ITPR1: variants seen among roughly 807,000 people sequenced by gnomAD.
The protein encoded by ITPR1 is inositol 1,4,5-trisphosphate-gated calcium channel ITPR1.
Under a neutral mutation model 318.4 loss-of-function variants are expected in ITPR1, and 96 were observed. The observed-to-expected ratio is 0.30, with a 90% CI of 0.26 to 0.36. The LOEUF is 0.36. Among genes scored for constraint, ITPR1 ranks in the 10% least tolerant of loss-of-function variants. ITPR1 has a pLI of 1.00. For missense variants in ITPR1, 2,440 were observed against 3,460.2 expected (o/e 0.71, Z 7.40); for synonymous variants, 1,312 against 1,289.9 (o/e 1.02, Z -0.37).
intron 44 of ITPR1, among the ~76,000 whole-genome samples, chr3:4,747,063 G>A (rs1056363040): frequency 6.6e-6 from 1 of 152,178 alleles, no homozygotes; most frequent in Non-Finnish European, 1.5e-5. Flanking sequence ...ATTTTAAAGG[G>A]GACCTTCTTT....
At chr3:4,696,959 T>C (rs368203829) in intron 33 of ITPR1, among the ~76,000 whole-genome samples, 188 bp from the exon 34 acceptor site, 25 of 152,312 alleles carry the variant, frequency 1.6e-4, no homozygotes, top group African/African-American at 5.5e-4. Context: ...AAATATTCTC[T>C]TCCAAAAGCT....
In ITPR1 at chr3:4,682,470, A is replaced by G. The variant is rs192543251; in HGVS notation, c.3162-916A>G. Among the ~76,000 whole-genome samples, 184 of 152,350 alleles carry G rather than the reference A, an allele frequency of 1.2e-3. 3 individuals are homozygous for G. Among genetic ancestry groups the G allele is most frequent in the African/African-American group, 4.1e-3 (171 of 41,592 alleles). On this transcript the variant is annotated intron_variant, in intron 26 of 61. Transcript: ENST00000649015. Reference sequence around the variant, plus strand: ...CATTGTCAGTGTGGGAGGGGACTACATAAGGGTTTGAACACTCTGTTGGGG... The same window carrying G: ...CATTGTCAGTGTGGGAGGGGACTACGTAAGGGTTTGAACACTCTGTTGGGG...
chr3:4,591,535 G>T (rs1307539510), intron 4 of ITPR1, among the ~76,000 whole-genome samples: 4 of 152,272 alleles, frequency 2.6e-5, no homozygotes, highest in South Asian at 2.1e-4. Context: ...ATTCAGGAAA[G>T]CATTTCCTTG....
At chr3:4,690,314 A>C (rs1574875343) in intron 31 of ITPR1, among the ~76,000 whole-genome samples, 1 of 152,128 alleles carries the variant, frequency 6.6e-6, no homozygotes, top group Non-Finnish European at 1.5e-5. Flanking sequence ...AAGGCAAAAA[A>C]CTTGAACAGA....
rs115430385 is a variant in ITPR1 at position 4,782,748 on chromosome 3, T to C, written c.6510+7T>C. ...CTACATATTAGCCCATCAGGTATGA[T>C]CTCTCCTGTGCCTCCTCTGGATGCT... On this transcript the variant is annotated splice_region_variant and intron_variant, in intron 50 of 61. Transcript: ENST00000649015. 8.3e-4 allele frequency: 1,261 copies of C among 1,516,414 alleles called. 8 individuals are homozygous for C. The African/African-American group carries it at 0.016, about 19-fold the overall frequency. 93.9% of individuals were successfully genotyped at this position (1,516,414 alleles called of 1,614,324 possible). A position where few individuals can be genotyped will look rare whatever the true frequency, so the allele number is the denominator to read the frequency against.
chr3:4,586,598 C>T (rs528948565), intron 4 of ITPR1, among the ~76,000 whole-genome samples: 1 of 150,854 alleles, frequency 6.6e-6, no homozygotes, highest in East Asian at 2.0e-4. Context: ...CAGCTTTGAC[C>T]TCCCTGGCTC....
intron 52 of ITPR1, among the ~76,000 whole-genome samples, chr3:4,790,066 G>A (rs956953938): frequency 1.3e-5 from 2 of 152,214 alleles, no homozygotes; most frequent in Non-Finnish European, 2.9e-5. Flanking sequence ...TATGTATAAT[G>A]TATGTATTTT....
intron 3 of ITPR1, among the ~76,000 whole-genome samples, chr3:4,517,180 A>T (rs1217305986): frequency 2.0e-5 from 3 of 152,188 alleles, no homozygotes; most frequent in Non-Finnish European, 4.4e-5. Flanking sequence ...TAATGTACTC[A>T]TTTGATTATC....
intron 52 of ITPR1, among the ~76,000 whole-genome samples, chr3:4,791,039 C>G (rs2125409850): frequency 6.6e-6 from 1 of 152,234 alleles, no homozygotes; most frequent in East Asian, 1.9e-4. Context: ...TGAGGTTTTC[C>G]CATGTGATTA....
chr3:4,600,765 G>T (rs1019437620), intron 4 of ITPR1, among the ~76,000 whole-genome samples: 1 of 151,964 alleles, frequency 6.6e-6, no homozygotes, highest in Non-Finnish European at 1.5e-5. Flanking sequence ...ATTTCCTGTC[G>T]CTCTAAAATT....
intron 4 of ITPR1, among the ~76,000 whole-genome samples, chr3:4,611,571 A>AATAAATAAATAAATAG (rs937468567): frequency 6.6e-6 from 1 of 150,570 alleles, no homozygotes; most frequent in African/African-American, 2.4e-5. Context: ...AAAATAAATA[A>AATAAATAAATAAATAG]ATAAATAAAT....
At chr3:4,537,326 T>C (rs1450051247) in intron 4 of ITPR1, among the ~76,000 whole-genome samples, 3 of 152,218 alleles carry the variant, frequency 2.0e-5, no homozygotes, top group Non-Finnish European at 4.4e-5. Flanking sequence ...TAAAGGGCTG[T>C]TTCTTCCTGG....
At chr3:4,598,736 G>A (rs1486407209) in intron 4 of ITPR1, among the ~76,000 whole-genome samples, 3 of 152,176 alleles carry the variant, frequency 2.0e-5, no homozygotes, top group African/African-American at 4.8e-5. Context: ...TAAAGAAATT[G>A]TCCCAACTTT....
chr3:4,537,634 G>A (rs188330085), intron 4 of ITPR1, among the ~76,000 whole-genome samples: 43 of 152,284 alleles, frequency 2.8e-4, no homozygotes, highest in South Asian at 2.7e-3. Context: ...AGGAGGATTC[G>A]AGTTAATAGG....
intron 4 of ITPR1, among the ~76,000 whole-genome samples, chr3:4,573,131 A>T (rs542064597): frequency 2.3e-4 from 35 of 152,322 alleles, no homozygotes; most frequent in Middle Eastern, 3.4e-3. Flanking sequence ...ATTATATAGT[A>T]GCTCTACTTT....
chr3:4,734,347 T>A (rs2043130437), intron 43 of ITPR1, among the ~76,000 whole-genome samples: 1 of 151,936 alleles, frequency 6.6e-6, no homozygotes, highest in African/African-American at 2.4e-5. Context: ...TGAGAAGCTG[T>A]AGCAGAGAGA....
chr3:4,842,604 G>A (rs1200052022), intron 61 of ITPR1, among the ~76,000 whole-genome samples: 1 of 152,174 alleles, frequency 6.6e-6, no homozygotes, highest in Admixed American at 6.5e-5. Flanking sequence ...CTGGCCTCAA[G>A]TGATCTGCCT....
At chr3:4,829,746 T>C (rs1156729857) in intron 60 of ITPR1, among the ~76,000 whole-genome samples, 1 of 152,160 alleles carries the variant, frequency 6.6e-6, no homozygotes, top group Non-Finnish European at 1.5e-5. Context: ...CTTTTCATGT[T>C]GTGCATTCTG....
At chr3:4,626,801 C>G (rs888619309) in intron 4 of ITPR1, among the ~76,000 whole-genome samples, 1 of 152,050 alleles carries the variant, frequency 6.6e-6, no homozygotes, top group Admixed American at 6.6e-5. Flanking sequence ...CTAGGAGAGC[C>G]CTCCAAATAA....
Sources: gnomAD v4.1 joint callset for allele counts (sites outside exome capture counted in the v4.1 genomes callset) on GRCh38, gnomAD v4.1.1 for gene constraint, MANE v1.5 for transcripts, NCBI Gene and HGNC (gene_info 2026-07-23, HGNC 2026-07-21) for gene names.